TRHDE: variants seen among roughly 807,000 people sequenced by gnomAD.
The protein encoded by TRHDE is thyrotropin-releasing hormone-degrading ectoenzyme.
A neutral mutation model predicts 125.7 loss-of-function variants in TRHDE; 72 were observed. The ratio of observed to expected loss-of-function variants is 0.57; its 90% CI spans 0.47 to 0.70. The LOEUF (loss-of-function observed/expected upper bound fraction) is 0.70, where lower values mean the gene tolerates loss of function less well. TRHDE is among the 30% of genes least tolerant of loss of function. The pLI, the probability that TRHDE is intolerant of heterozygous loss-of-function variation, is 0.00. For synonymous variants in TRHDE, 509 were observed against 509.1 expected, an observed-to-expected ratio of 1.00 and a Z score of 0.00; for missense variants, 1,110 against 1,327.1, an observed-to-expected ratio of 0.84 and a Z score of 2.54.
intron 12 of TRHDE, among the ~76,000 whole-genome samples, chr12:72,610,164 C>T (rs1290971007): frequency 6.6e-6 from 1 of 152,080 alleles, no homozygotes; most frequent in East Asian, 1.9e-4. Context: ...TATCCGTGAC[C>T]TTCCCTATGT....
chr12:72,601,539 C>A (rs1872207000), intron 12 of TRHDE, among the ~76,000 whole-genome samples: 1 of 152,060 alleles, frequency 6.6e-6, no homozygotes, highest in Non-Finnish European at 1.5e-5. Flanking sequence ...AAAATGTGAT[C>A]AAACAACGTC....
chr12:72,342,015 A>G lies in TRHDE; in HGVS notation c.1189-35980A>G, dbSNP rs572301370. On this transcript the variant is annotated intron_variant, in intron 2 of 18. Coordinates refer to ENST00000261180, the MANE Select transcript of TRHDE (RefSeq NM_013381.3). ...GGAAGGATTGAAATACACAATTCAA[A>G]ATCATTGCTCAGGATACAAATATGA... Among the ~76,000 whole-genome samples the G allele has an allele frequency of 2.6e-5, 4 of 152,204 alleles. No individual in the cohort carries two copies. The South Asian group carries it at 8.3e-4, about 32-fold the overall frequency.
At chr12:72,641,051 C>T (rs1229239439) in intron 15 of TRHDE, among the ~76,000 whole-genome samples, 1 of 152,128 alleles carries the variant, frequency 6.6e-6, no homozygotes, top group Non-Finnish European at 1.5e-5. Flanking sequence ...ATGTGTTTAT[C>T]CCTGTCCAAT....
At chr12:72,460,459 A>T (rs549308917) in intron 3 of TRHDE, among the ~76,000 whole-genome samples, 1 of 151,996 alleles carries the variant, frequency 6.6e-6, no homozygotes, top group African/African-American at 2.4e-5. Context: ...TGTAACCCCC[A>T]TTGGTTTTTA....
rs1407574473 is a variant in TRHDE at position 72,635,774 on chromosome 12, G to T, written c.2675+14023G>T. Among the ~76,000 whole-genome samples, 197 of 152,090 alleles carry T rather than the reference G, an allele frequency of 1.3e-3. 1 individual carries two copies. The highest frequency in any genetic ancestry group is 6.8e-3 in the Middle Eastern group (2 of 294). The stretch of plus-strand genomic sequence containing the variant: ...TTAAATAGGGAATCCTTTCCCCATT[G>T]CTTGTTTTTCTCAGGTTTGTCAAAG... On this transcript the variant is annotated intron_variant, in intron 15 of 18. Transcript: ENST00000261180.
At chr12:72,426,964 A>G (rs1015399486) in intron 3 of TRHDE, among the ~76,000 whole-genome samples, 1 of 152,134 alleles carries the variant, frequency 6.6e-6, no homozygotes, top group Non-Finnish European at 1.5e-5. Flanking sequence ...TGTCACCTAT[A>G]TATAGTCCTG....
At chr12:72,193,832 T>A (rs1462067622) in intron 2 of TRHDE, among the ~76,000 whole-genome samples, 2 of 152,106 alleles carry the variant, frequency 1.3e-5, no homozygotes, top group Non-Finnish European at 1.5e-5. Context: ...GGATAATAAT[T>A]TTTTCAAAAT....
At chr12:72,580,280 C>G (rs2136034746) in intron 12 of TRHDE, among the ~76,000 whole-genome samples, 1 of 152,254 alleles carries the variant, frequency 6.6e-6, no homozygotes, top group East Asian at 1.9e-4. Context: ...AAGGTATATG[C>G]TGCTTTACAG....
chr12:72,515,055 G>A (rs1210955700), intron 6 of TRHDE, among the ~76,000 whole-genome samples: 2 of 140,486 alleles, frequency 1.4e-5, no homozygotes, highest in Non-Finnish European at 3.0e-5. Context: ...TATTTGGGTT[G>A]GTTCCAAGTC....
rs543907218 is a variant in TRHDE, at chr12:72,513,690, GAC to G, written c.1722+14059_1722+14060del. On this transcript the variant is annotated intron_variant, in intron 6 of 18. Coordinates refer to ENST00000261180, the MANE Select transcript of TRHDE (RefSeq NM_013381.3). Reference sequence around the variant, plus strand: ...TCATACAACATACTGTTACCTTGAAGACACAGAGATTTTTTTTTAAAAGTACA... The same window carrying G: ...TCATACAACATACTGTTACCTTGAAGACAGAGATTTTTTTTTAAAAGTACA... Among the ~76,000 whole-genome samples, 959 of 152,144 alleles carry G rather than the reference GAC, an allele frequency of 6.3e-3. 5 individuals carry two copies. The highest frequency in any genetic ancestry group is 0.021 in the African/African-American group (890 of 41,496).
At chr12:72,341,306 C>T (rs1414011695) in intron 2 of TRHDE, among the ~76,000 whole-genome samples, 1 of 151,824 alleles carries the variant, frequency 6.6e-6, no homozygotes, top group East Asian at 1.9e-4. Flanking sequence ...CTGATGTTCC[C>T]CGCCCTGTGT....
chr12:72,320,501 G>A (rs903284589), intron 2 of TRHDE, among the ~76,000 whole-genome samples: 1 of 150,202 alleles, frequency 6.7e-6, no homozygotes, highest in Admixed American at 6.7e-5. Context: ...TTTGCTGTTG[G>A]TTGAATCTTC....
At position 72,095,189 on chromosome 12, in the gene TRHDE, G is replaced by A. The variant is rs376016586; in HGVS notation, n.174+7750G>A. 2.0e-5 allele frequency among the ~76,000 whole-genome samples: 3 copies of A among 152,184 alleles called. No individual in the cohort carries two copies. The East Asian group carries it at 5.8e-4, about 29-fold the overall frequency. On this transcript the variant is annotated intron_variant and non_coding_transcript_variant, in intron 1 of 4. Coordinates refer to the TRHDE transcript ENST00000548156. The stretch of plus-strand genomic sequence containing the variant: ...CTGAGAAAATCCTTTAGTGTGGGCT[G>A]TCTCTAGCAGTGCAGTGTCACCTTG...
intron 7 of TRHDE, among the ~76,000 whole-genome samples, chr12:72,549,301 G>T (rs1288304445): frequency 1.3e-5 from 2 of 151,830 alleles, no homozygotes; most frequent in African/African-American, 4.8e-5. Context: ...GAAAACTGCA[G>T]GCTTACATTT....
chr12:72,471,461 A>C lies in TRHDE; in HGVS notation c.1470+1549A>C, dbSNP rs150115159. On this transcript the variant is annotated intron_variant, in intron 4 of 18. Coordinates refer to ENST00000261180, the MANE Select transcript of TRHDE (RefSeq NM_013381.3). Reference sequence around the variant, plus strand: ...ACCGATAATGTGTAATTGTTCGGAGAACTGGATTTCATTTGTTTCATATTC... The same window carrying C: ...ACCGATAATGTGTAATTGTTCGGAGCACTGGATTTCATTTGTTTCATATTC... Among the ~76,000 whole-genome samples, 77 of 152,302 alleles carry C rather than the reference A, an allele frequency of 5.1e-4. No individual in the cohort carries two copies. In the East Asian group the frequency reaches 0.013, roughly 26 times the overall value.
chr12:72,594,486 G>T (rs1025671795), intron 12 of TRHDE, among the ~76,000 whole-genome samples: 1 of 147,486 alleles, frequency 6.8e-6, no homozygotes, highest in South Asian at 2.1e-4. Flanking sequence ...CTAAAGCTCT[G>T]GGATTACAGA....
At chr12:72,157,290 G>A (rs192072036) in intron 2 of TRHDE, among the ~76,000 whole-genome samples, 9 of 152,228 alleles carry the variant, frequency 5.9e-5, no homozygotes, top group African/African-American at 2.2e-4. Context: ...GGCATGGTGA[G>A]GGTTTTAGTT....
chr12:72,635,482 G>C (rs1161531739), intron 15 of TRHDE, among the ~76,000 whole-genome samples: 1 of 152,070 alleles, frequency 6.6e-6, no homozygotes, highest in Non-Finnish European at 1.5e-5. Flanking sequence ...AGTTTCTTTT[G>C]CTGTGTAGAA....
intron 2 of TRHDE, among the ~76,000 whole-genome samples, chr12:72,149,170 C>T (rs1307815234): frequency 2.0e-5 from 3 of 151,974 alleles, no homozygotes; most frequent in Middle Eastern, 6.8e-3. Context: ...GACCTGACTG[C>T]GAGGAGTCCA....
Sources: gnomAD v4.1 joint callset for allele counts (sites outside exome capture counted in the v4.1 genomes callset) on GRCh38, gnomAD v4.1.1 for gene constraint, MANE v1.5 for transcripts, NCBI Gene and HGNC (gene_info 2026-07-23, HGNC 2026-07-21) for gene names.